Variants in CDK14 observed in about 807,000 individuals in gnomAD.
The protein encoded by CDK14 is cyclin dependent kinase 14.
A neutral mutation model predicts 60.7 loss-of-function variants in CDK14; 34 were observed. The ratio of observed to expected loss-of-function variants is 0.56; its 90% CI spans 0.43 to 0.75. The LOEUF is 0.75. Ranked by LOEUF, CDK14 falls within the 30% of genes least tolerant of loss-of-function variation. The probability of loss-of-function intolerance (pLI) is 0.00; values close to 1 mark genes in which losing one functional copy is unlikely to be tolerated. For missense variants in CDK14, 482 were observed against 564.1 expected, an observed-to-expected ratio of 0.85 and a Z score of 1.47; for synonymous variants, 197 against 203.7, an observed-to-expected ratio of 0.97 and a Z score of 0.28.
In CDK14 at chr7:90,624,150, C is replaced by T. The variant is rs569972365; in HGVS notation, c.123+19901C>T. The stretch of plus-strand genomic sequence containing the variant: ...ACTCAGGGAAGGTAAGTGCTGTTCC[C>T]CAGGCCACAGTCTTCTGTTCTCACA... On this transcript the variant is annotated intron_variant, in intron 2 of 14. Transcript: ENST00000380050. Among the ~76,000 whole-genome samples, 4 of 152,168 alleles carry T rather than the reference C, an allele frequency of 2.6e-5. No homozygotes were observed. In the South Asian group the frequency reaches 8.3e-4, roughly 32 times the overall value.
intron 4 of CDK14, among the ~76,000 whole-genome samples, chr7:90,765,300 C>G (rs1465512426): frequency 6.6e-6 from 1 of 151,912 alleles, no homozygotes; most frequent in Non-Finnish European, 1.5e-5. Context: ...TGGCTAAGTG[C>G]TGGAGAGTTG....
At chr7:91,195,071 G>C (rs1802490716) in intron 14 of CDK14, among the ~76,000 whole-genome samples, 2 of 152,188 alleles carry the variant, frequency 1.3e-5, no homozygotes, top group Non-Finnish European at 2.9e-5. Flanking sequence ...CTGAGCTGTT[G>C]ACACTTTAAT....
rs546122992 is a variant in CDK14 at position 90,653,414 on chromosome 7, G to A, written c.123+49165G>A. Among the ~76,000 whole-genome samples the A allele has an allele frequency of 5.3e-5, 8 of 151,080 alleles. No individual in the cohort carries two copies. In the South Asian group the frequency reaches 6.3e-4, roughly 12 times the overall value. On this transcript the variant is annotated intron_variant, in intron 2 of 14. Coordinates refer to ENST00000380050, the MANE Select transcript of CDK14 (RefSeq NM_001287135.2). Reference sequence around the variant, plus strand: ...CCCCTAGCTCTTCTCCATTAGATTCGCACCTGTTGGCTCCATCTCTCTGTG... The same window carrying A: ...CCCCTAGCTCTTCTCCATTAGATTCACACCTGTTGGCTCCATCTCTCTGTG...
chr7:91,010,081 T>C (rs917003413), intron 10 of CDK14, among the ~76,000 whole-genome samples: 1 of 152,130 alleles, frequency 6.6e-6, no homozygotes, highest in African/African-American at 2.4e-5. Flanking sequence ...TGCAACTTTA[T>C]TGAAAGTCAG....
At chr7:90,641,993 A>C (rs534077369) in intron 2 of CDK14, among the ~76,000 whole-genome samples, 1 of 152,172 alleles carries the variant, frequency 6.6e-6, no homozygotes, top group African/African-American at 2.4e-5. Context: ...CTTACTCACT[A>C]TCATGAGAAC....
intron 3 of CDK14, among the ~76,000 whole-genome samples, chr7:90,733,901 C>T (rs1467900085): frequency 3.9e-5 from 6 of 152,130 alleles, no homozygotes; most frequent in South Asian, 2.1e-4. Context: ...TTCTTCATAG[C>T]GTTGATGGTC....
rs1386368327 is a variant in CDK14, at chr7:90,899,364, A to G, written c.702+11A>G. 6.3e-7 allele frequency: 1 copy of G among 1,588,814 alleles called. No individual in the cohort carries two copies. ...CCAGATAATGTGAAGGTAGGAAAAG[A>G]TCTTTTTAAGCCAAAGGTTAGCATT... On this transcript the variant is annotated intron_variant, in intron 7 of 14. Coordinates refer to ENST00000380050, the MANE Select transcript of CDK14 (RefSeq NM_001287135.2).
chr7:90,790,058 T>C (rs1463523354), intron 4 of CDK14, among the ~76,000 whole-genome samples: 1 of 148,712 alleles, frequency 6.7e-6, no homozygotes, highest in East Asian at 2.0e-4. Flanking sequence ...TTTAGGAGGT[T>C]GTAGTAAAAA....
At chr7:90,750,070 A>G (rs1248146351) in intron 4 of CDK14, among the ~76,000 whole-genome samples, 1 of 152,062 alleles carries the variant, frequency 6.6e-6, no homozygotes, top group Admixed American at 6.6e-5. Flanking sequence ...GCATAGGGCT[A>G]TAGAAGCAAA....
At chr7:91,110,200 T>G (rs1010822625) in intron 12 of CDK14, among the ~76,000 whole-genome samples, 2 of 152,140 alleles carry the variant, frequency 1.3e-5, no homozygotes, top group Admixed American at 6.6e-5. Context: ...TGTAGAGACT[T>G]AAAATGAAAT....
chr7:90,833,679 G>A (rs537816027), intron 5 of CDK14, among the ~76,000 whole-genome samples: 4 of 152,290 alleles, frequency 2.6e-5, no homozygotes, highest in African/African-American at 4.8e-5. Context: ...AGTCTGACTA[G>A]TATTGCAAGG....
chr7:90,980,269 A>G (rs993122116), intron 9 of CDK14, among the ~76,000 whole-genome samples: 4 of 152,196 alleles, frequency 2.6e-5, no homozygotes, highest in African/African-American at 9.6e-5. Flanking sequence ...CTTTGATTGT[A>G]AGCTTTTGTG....
chr7:90,736,350 G>GTTTTTTTTTTT (rs869290471), intron 3 of CDK14, among the ~76,000 whole-genome samples: 4 of 50,278 alleles, frequency 8.0e-5, no homozygotes, highest in Non-Finnish European at 1.5e-4. Context: ...TTATGTTTTT[G>GTTTTTTTTTTT]TTTTTTTTTT....
rs1193883964 is a variant in CDK14, at chr7:90,878,003, A to T, written c.639+14734A>T. The stretch of plus-strand genomic sequence containing the variant: ...TCTCATGTTACCAAATGCAGTGGGC[A>T]CCCTATAAATCTTTGCCAACTTGAT... On this transcript the variant is annotated intron_variant, in intron 6 of 14. Coordinates refer to ENST00000380050, the MANE Select transcript of CDK14 (RefSeq NM_001287135.2). 2.0e-5 allele frequency among the ~76,000 whole-genome samples: 3 copies of T among 151,920 alleles called. No homozygotes were observed. In the East Asian group the frequency reaches 5.8e-4, roughly 29 times the overall value.
At chr7:90,610,452 T>C (rs1443047969) in intron 2 of CDK14, among the ~76,000 whole-genome samples, 3 of 152,228 alleles carry the variant, frequency 2.0e-5, no homozygotes, top group Non-Finnish European at 4.4e-5. Context: ...CTAAGCCTTC[T>C]TGCGACCCTC....
intron 12 of CDK14, among the ~76,000 whole-genome samples, chr7:91,099,031 T>C (rs1480464949): frequency 6.6e-6 from 1 of 152,166 alleles, no homozygotes; most frequent in African/African-American, 2.4e-5. Flanking sequence ...TGAAATAATA[T>C]TATACAAAAT....
chr7:91,203,891 A>G (rs1161050253), intron 14 of CDK14, among the ~76,000 whole-genome samples: 1 of 152,218 alleles, frequency 6.6e-6, no homozygotes. Flanking sequence ...TGCCTAGATC[A>G]GAATGCATAG....
At chr7:90,801,508 T>C (rs1584905183) in intron 5 of CDK14, among the ~76,000 whole-genome samples, 1 of 152,282 alleles carries the variant, frequency 6.6e-6, no homozygotes, top group East Asian at 1.9e-4. Context: ...TAGTCTGGGA[T>C]TGGAAGCAGG....
chr7:91,112,716 C>A, intron 13 of CDK14, 35 bp downstream of exon 13: 1 of 1,606,126 alleles, frequency 6.2e-7, no homozygotes, highest in Non-Finnish European at 8.5e-7. Context: ...CCAGTCCAAG[C>A]AGACACATCA....
Sources: allele counts gnomAD v4.1 joint callset (sites outside exome capture counted in the v4.1 genomes callset), GRCh38; gene constraint gnomAD v4.1.1; transcripts MANE v1.5; gene names NCBI Gene and HGNC (gene_info 2026-07-23, HGNC 2026-07-21).